The following FBN2 variants were observed in gnomAD, a reference collection of about 807,000 sequenced individuals.
FBN2 encodes the protein fibrillin 2.
A neutral mutation model predicts 355.6 loss-of-function variants in FBN2; 105 were observed. That is an observed-to-expected ratio of 0.30 (90% CI 0.25 to 0.35). The LOEUF (loss-of-function observed/expected upper bound fraction) is 0.35. FBN2 is among the 10% of genes least tolerant of loss of function. The probability of loss-of-function intolerance (pLI) is 1.00; values close to 1 mark genes in which losing one functional copy is unlikely to be tolerated. For missense variants in FBN2, 3,280 were observed against 3,758.7 expected (o/e 0.87, Z 3.33); for synonymous variants, 1,350 against 1,301.2 (o/e 1.04, Z -0.81).
At chr5:128,380,039 A>G (rs1242359422) in intron 11 of FBN2, among the ~76,000 whole-genome samples, 2 of 152,118 alleles carry the variant, frequency 1.3e-5, no homozygotes, top group Non-Finnish European at 2.9e-5. Flanking sequence ...CTTCTGGTAA[A>G]GGAAATAAAC....
intron 50 of FBN2, 117 bp downstream of exon 50, chr5:128,290,615 T>C (rs1749294749): frequency 2.8e-6 from 3 of 1,057,710 alleles, no homozygotes; most frequent in South Asian, 2.6e-5. Flanking sequence ...TCAAAACTTA[T>C]ATGCAAGGAG....
Position 128,526,756 on chromosome 5 carries a change from G to T in FBN2, c.532+1116C>A, listed in dbSNP as rs139613536. 5.2e-3 allele frequency among the ~76,000 whole-genome samples: 798 copies of T among 152,156 alleles called. 11 individuals are homozygous for T. Among genetic ancestry groups the T allele is most frequent in the Non-Finnish European group, 4.3e-3 (289 of 67,982 alleles). The stretch of plus-strand genomic sequence containing the variant: ...GGGAAATGGGGGTTACTGTTCAATG[G>T]GTACAGAGTTTCAGTTTTCCAAGAT... On this transcript the variant is annotated intron_variant, in intron 4 of 64. Transcript: ENST00000262464.
chr5:128,285,068 A>G (rs1392497793), intron 55 of FBN2, among the ~76,000 whole-genome samples: 1 of 152,228 alleles, frequency 6.6e-6, no homozygotes, highest in Non-Finnish European at 1.5e-5. Flanking sequence ...TTACTGAGGC[A>G]TAATATATTG....
chr5:128,388,134 T>C (rs1752416645), intron 11 of FBN2, among the ~76,000 whole-genome samples: 1 of 152,214 alleles, frequency 6.6e-6, no homozygotes, highest in Non-Finnish European at 1.5e-5. Flanking sequence ...TGGTTTAAAG[T>C]CTGTTTTGTC....
intron 13 of FBN2, among the ~76,000 whole-genome samples, chr5:128,377,140 T>C (rs1433490246): frequency 1.3e-5 from 2 of 152,156 alleles, no homozygotes; most frequent in Non-Finnish European, 1.5e-5. Flanking sequence ...AAAAAGATAA[T>C]ATAATTTCAA....
intron 4 of FBN2, among the ~76,000 whole-genome samples, chr5:128,519,931 G>A (rs1581367020): frequency 6.6e-6 from 1 of 151,844 alleles, no homozygotes; most frequent in Non-Finnish European, 1.5e-5. Flanking sequence ...AAAGAAAAGG[G>A]GGGAAAATAC....
rs1755068819 is a variant in FBN2, at chr5:128,478,651, C to G, written c.629-13730G>C. 2.0e-5 allele frequency among the ~76,000 whole-genome samples: 3 copies of G among 152,268 alleles called. No individual in the cohort carries two copies. In the South Asian group the frequency reaches 6.2e-4, roughly 32 times the overall value. On this transcript the variant is annotated intron_variant, in intron 5 of 64. Transcript: ENST00000262464. Reference sequence around the variant, plus strand: ...CAAGGTCTTTTCAGGACAAAATGCACCTGCTGAGTTTAGATCCAGAAATAT... The same window carrying G: ...CAAGGTCTTTTCAGGACAAAATGCAGCTGCTGAGTTTAGATCCAGAAATAT...
chr5:128,510,415 G>A (rs1376894235), intron 5 of FBN2, among the ~76,000 whole-genome samples: 2 of 152,218 alleles, frequency 1.3e-5, no homozygotes, highest in Non-Finnish European at 2.9e-5. Context: ...CAGGCAGCAA[G>A]CTGCGGAAGT....
intron 41 of FBN2, among the ~76,000 whole-genome samples, chr5:128,307,626 G>A (rs1749919960): frequency 6.7e-6 from 1 of 149,744 alleles, no homozygotes; most frequent in East Asian, 1.9e-4. Context: ...ATGTTGTAGA[G>A]GGGAAATAGG....
chr5:128,316,638 T>C (rs1457641160), intron 36 of FBN2, among the ~76,000 whole-genome samples: 1 of 152,222 alleles, frequency 6.6e-6, no homozygotes, highest in Non-Finnish European at 1.5e-5. Context: ...AGAATGCTCC[T>C]CAAGGCTCAT....
At chr5:128,290,020 A>C (rs968591151) in intron 50 of FBN2, 73 bp from the exon 51 acceptor site, 11 of 839,086 alleles carry the variant, frequency 1.3e-5, no homozygotes, top group Middle Eastern at 4.8e-4. Context: ...AGGATGAACA[A>C]TATACATGAA....
At chr5:128,506,747 G>T (rs958069751) in intron 5 of FBN2, among the ~76,000 whole-genome samples, 3 of 152,004 alleles carry the variant, frequency 2.0e-5, no homozygotes, top group African/African-American at 7.2e-5. Flanking sequence ...AGTTTTTTTG[G>T]AAATGCCCTT....
chr5:128,428,381 C>T (rs940422761), intron 7 of FBN2, among the ~76,000 whole-genome samples: 1 of 152,208 alleles, frequency 6.6e-6, no homozygotes, highest in African/African-American at 2.4e-5. Context: ...TGGCCCTGGA[C>T]TACATCTCTA....
intron 8 of FBN2, among the ~76,000 whole-genome samples, chr5:128,403,167 T>C (rs539818362): frequency 3.3e-4 from 50 of 152,232 alleles, no homozygotes; most frequent in African/African-American, 1.2e-3. Flanking sequence ...AATAATTCTG[T>C]ACCTTGCCCT....
chr5:128,412,551 G>C (rs942824847), intron 7 of FBN2, among the ~76,000 whole-genome samples: 2 of 152,166 alleles, frequency 1.3e-5, no homozygotes, highest in African/African-American at 4.8e-5. Flanking sequence ...CCAGTCGAGT[G>C]AAGTTAGCTT....
chr5:128,440,019 T>C (rs1753876258), intron 7 of FBN2, among the ~76,000 whole-genome samples: 2 of 152,222 alleles, frequency 1.3e-5, no homozygotes. Flanking sequence ...TATTTGATCT[T>C]TTCCCTTATT....
intron 11 of FBN2, among the ~76,000 whole-genome samples, chr5:128,391,399 AC>A (rs1195405189): frequency 8.5e-5 from 13 of 152,204 alleles, no homozygotes; most frequent in Non-Finnish European, 1.2e-4. Flanking sequence ...AAAATGTAAA[AC>A]AACGACACTT....
At chr5:128,479,189 T>G (rs1755087190) in intron 5 of FBN2, among the ~76,000 whole-genome samples, 1 of 152,346 alleles carries the variant, frequency 6.6e-6, no homozygotes, top group East Asian at 1.9e-4. Context: ...GATAATAGTA[T>G]TGAAACTATT....
At chr5:128,267,648 T>C (rs1200728802) in intron 62 of FBN2, among the ~76,000 whole-genome samples, 1 of 143,668 alleles carries the variant, frequency 7.0e-6, no homozygotes, top group African/African-American at 2.9e-5. Flanking sequence ...CACATCCTTT[T>C]CCCACTTTTT....
Sources: gnomAD v4.1 joint callset for allele counts (sites outside exome capture counted in the v4.1 genomes callset) on GRCh38, gnomAD v4.1.1 for gene constraint, MANE v1.5 for transcripts, NCBI Gene and HGNC (gene_info 2026-07-23, HGNC 2026-07-21) for gene names.